The following MAPRE2 variants were observed in gnomAD, a reference collection of about 807,000 sequenced individuals.
MAPRE2 encodes microtubule associated protein RP/EB family member 2.
Under a neutral mutation model 43.2 loss-of-function variants are expected in MAPRE2, and 13 were observed. That is an observed-to-expected ratio of 0.30 (90% CI 0.20 to 0.48). The LOEUF (loss-of-function observed/expected upper bound fraction) is 0.48, where lower values mean the gene tolerates loss of function less well. Ranked by LOEUF, MAPRE2 falls within the 20% of genes least tolerant of loss-of-function variation. The pLI is 0.99. For missense variants in MAPRE2, 161 were observed against 400.2 expected, an observed-to-expected ratio of 0.40 and a Z score of 5.10; for synonymous variants, 135 against 148.8, an observed-to-expected ratio of 0.91 and a Z score of 0.68.
At chr18:35,070,607 C>T (rs1000638245) in intron 2 of MAPRE2, 4 of 206,940 alleles carry the variant, frequency 1.9e-5, no homozygotes, top group Non-Finnish European at 3.9e-5. Flanking sequence ...TCTGTCATCC[C>T]ATCTGCCATC....
In MAPRE2 at chr18:35,029,651, C is replaced by T. The variant is rs571286311; in HGVS notation, c.-8+24098C>T. ...AATCTTCTCTGGGAAGCTTCTGAAT[C>T]GTCTGCAAGATAATTTATTTGTTAG... On this transcript the variant is annotated intron_variant, in intron 2 of 7. Coordinates refer to the MAPRE2 transcript ENST00000413393. Among the ~76,000 whole-genome samples the T allele has an allele frequency of 4.6e-5, 7 of 152,324 alleles. 1 individual carries two copies. In the South Asian group the frequency reaches 1.2e-3, roughly 27 times the overall value.
chr18:34,985,171 A>C (rs1215304533), intron 1 of MAPRE2, among the ~76,000 whole-genome samples: 1 of 79,108 alleles, frequency 1.3e-5, no homozygotes, highest in Admixed American at 2.4e-4. Context: ...AAATATATAA[A>C]AATAATATAT....
At chr18:35,115,586 A>T (rs1362053609) in intron 4 of MAPRE2, among the ~76,000 whole-genome samples, 1 of 151,840 alleles carries the variant, frequency 6.6e-6, no homozygotes, top group Non-Finnish European at 1.5e-5. Context: ...GCATCCTCAT[A>T]GCTTAGCTCC....
intron 1 of MAPRE2, among the ~76,000 whole-genome samples, chr18:35,042,295 C>T (rs1905408614): frequency 6.6e-6 from 1 of 152,058 alleles, no homozygotes; most frequent in Non-Finnish European, 1.5e-5. Context: ...AAAAACTGGG[C>T]GCTGTTATGC....
chr18:35,111,317 A>T (rs1909164447), intron 4 of MAPRE2, among the ~76,000 whole-genome samples: 1 of 151,770 alleles, frequency 6.6e-6, no homozygotes, highest in African/African-American at 2.4e-5. Flanking sequence ...CTTTTCATTC[A>T]TTATGAGCAT....
In MAPRE2 at chr18:35,126,999, C is replaced by T. The variant is rs1243213927; in HGVS notation, c.662C>T (p.Pro221Leu). 1 of 1,614,028 alleles carries T rather than the reference C, an allele frequency of 6.2e-7. No homozygotes were observed. Among genetic ancestry groups the T allele is most frequent in the African/African-American group, 1.3e-5 (1 of 74,930 alleles). The change falls in exon 5 of 7, where the codon CCC becomes CTC. Residue 221 changes from proline (P) to leucine (L), a missense_variant. By Grantham distance (98) the Pro-to-Leu change is moderately conservative. Around this residue, in one of 2 missense-constraint regions of MAPRE2, gnomAD observed 96 missense variants for 153.3 expected, o/e 0.63. Transcript: ENST00000300249. Reference sequence around the variant, plus strand: ...AAACCAGGATCCACACCTTCTCGACCCTCATCAGCCAAAAGGGCTTCTTCC... The same window carrying T: ...AAACCAGGATCCACACCTTCTCGACTCTCATCAGCCAAAAGGGCTTCTTCC... ...AAKPGSTPSR[P>L]SSAKRASSSG...
chr18:35,126,143 CTCCCTG>C (rs1216529239), intron 4 of MAPRE2, among the ~76,000 whole-genome samples: 1 of 152,210 alleles, frequency 6.6e-6, no homozygotes, highest in African/African-American at 2.4e-5. Flanking sequence ...CCCTCTCCCT[CTCCCTG>C]TCTTCCAGCC....
At chr18:34,990,976 A>G (rs968349347) in intron 1 of MAPRE2, among the ~76,000 whole-genome samples, 1 of 152,136 alleles carries the variant, frequency 6.6e-6, no homozygotes, top group Non-Finnish European at 1.5e-5. Flanking sequence ...GGGACAGATA[A>G]TCTGATGGGG....
chr18:35,130,682 A>G (rs1371949340), intron 5 of MAPRE2, among the ~76,000 whole-genome samples: 2 of 152,176 alleles, frequency 1.3e-5, no homozygotes, highest in South Asian at 2.1e-4. Flanking sequence ...GAAAGACTTA[A>G]TTTACCACCT....
chr18:35,106,849 A>G (rs1908933002), intron 4 of MAPRE2, among the ~76,000 whole-genome samples: 1 of 151,048 alleles, frequency 6.6e-6, no homozygotes, highest in Non-Finnish European at 1.5e-5. Flanking sequence ...AGGGGCATGT[A>G]TTAAAATACA....
rs1909493613 is a variant in MAPRE2 at position 35,118,152 on chromosome 18, GACC to G, written c.611-8793_611-8791del. 2.0e-5 allele frequency among the ~76,000 whole-genome samples: 3 copies of G among 152,202 alleles called. No individual in the cohort carries two copies. In the South Asian group the frequency reaches 6.2e-4, roughly 32 times the overall value. ...TGTCCTTGGCAGGGGCAGGCTTTGAGACCACAAGTCAGCGAAGAGAGGTCCTCA... is the reference window on the plus strand; with the variant it reads ...TGTCCTTGGCAGGGGCAGGCTTTGAGACAAGTCAGCGAAGAGAGGTCCTCA... On this transcript the variant is annotated intron_variant, in intron 4 of 6. Transcript: ENST00000300249.
At chr18:35,025,024 A>G (rs2097044283) in intron 2 of MAPRE2, among the ~76,000 whole-genome samples, 1 of 152,322 alleles carries the variant, frequency 6.6e-6, no homozygotes, top group South Asian at 2.1e-4. Flanking sequence ...TCTCACCTTG[A>G]TTAGTACTAG....
chr18:35,130,393 A>G lies in MAPRE2; in HGVS notation c.751-1639A>G, dbSNP rs191873094. Among the ~76,000 whole-genome samples, 224 of 152,352 alleles carry G rather than the reference A, an allele frequency of 1.5e-3. 2 individuals carry two copies. Among genetic ancestry groups the G allele is most frequent in the African/African-American group, 4.8e-3 (198 of 41,578 alleles). On this transcript the variant is annotated intron_variant, in intron 5 of 6. Transcript: ENST00000300249. ...TGAGTTAAAAGCAAACTGGTTCTCC[A>G]CTGCTTTGCAAGCAGCCACATGGGG... is the stretch of plus-strand genomic sequence containing the variant.
intron 2 of MAPRE2, among the ~76,000 whole-genome samples, chr18:35,023,255 G>A (rs1167451650): frequency 6.6e-6 from 1 of 152,070 alleles, no homozygotes; most frequent in Non-Finnish European, 1.5e-5. Context: ...GCTTACACCT[G>A]TAATCCCAGC....
intron 1 of MAPRE2, among the ~76,000 whole-genome samples, chr18:35,050,784 C>T (rs181658594): frequency 6.6e-6 from 1 of 152,208 alleles, no homozygotes; most frequent in Admixed American, 6.5e-5. Context: ...AATATCTGGC[C>T]TTCATGTGAC....
intron 4 of MAPRE2, among the ~76,000 whole-genome samples, chr18:35,125,938 A>G (rs139642330): frequency 6.6e-6 from 1 of 152,222 alleles, no homozygotes; most frequent in Non-Finnish European, 1.5e-5. Flanking sequence ...AGAGTAACAC[A>G]TGTAAATATC....
intron 4 of MAPRE2, among the ~76,000 whole-genome samples, chr18:35,113,841 A>G (rs915380670): frequency 2.6e-5 from 4 of 152,194 alleles, no homozygotes; most frequent in Non-Finnish European, 5.9e-5. Context: ...GCAATGAGCC[A>G]TGTTCATGCC....
exon 2 of MAPRE2, chr18:35,005,501 TC>T (rs1183460136): frequency 2.6e-6 from 4 of 1,539,224 alleles, no homozygotes; most frequent in Non-Finnish European, 2.6e-6. Context: ...GTGTCCTGTT[TC>T]CCAGAGGAAC....
intron 1 of MAPRE2, among the ~76,000 whole-genome samples, chr18:35,062,418 G>A (rs1380980873): frequency 6.6e-6 from 1 of 152,174 alleles, no homozygotes; most frequent in Non-Finnish European, 1.5e-5. Context: ...TTACAAAACG[G>A]CTATTTCTGT....
Sources: gnomAD v4.1 joint callset for allele counts (sites outside exome capture counted in the v4.1 genomes callset) on GRCh38, gnomAD v4.1.1 for gene constraint, gnomAD v4.1.1 regional missense constraint, MANE v1.5 for transcripts, NCBI Gene and HGNC (gene_info 2026-07-23, HGNC 2026-07-21) for gene names.